LDLRAD4: variants seen among roughly 807,000 people sequenced by gnomAD.
LDLRAD4 encodes the protein low density lipoprotein receptor class A domain containing 4.
In LDLRAD4, 5 loss-of-function variants were observed where a neutral mutation model predicts 17.0. That is an observed-to-expected ratio of 0.29 (90% CI 0.15 to 0.62). LDLRAD4 has a LOEUF of 0.62. Among genes scored for constraint, LDLRAD4 ranks in the 20% least tolerant of loss-of-function variants. The pLI is 0.84. For missense variants in LDLRAD4, 340 were observed against 424.7 expected (o/e 0.80, Z 1.75); for synonymous variants, 168 against 171.8 (o/e 0.98, Z 0.17).
chr18:13,607,320 T>C (rs1001816796), intron 3 of LDLRAD4, among the ~76,000 whole-genome samples: 6 of 152,232 alleles, frequency 3.9e-5, no homozygotes, highest in East Asian at 1.9e-4. Flanking sequence ...ATAAGAGATA[T>C]ATAGTGCTTG....
At chr18:13,220,203 T>C (rs2041371610) in intron 1 of LDLRAD4, among the ~76,000 whole-genome samples, 1 of 152,244 alleles carries the variant, frequency 6.6e-6, no homozygotes, top group Non-Finnish European at 1.5e-5. Context: ...GCTATTGACA[T>C]TGAACACAGT....
intron 4 of LDLRAD4, among the ~76,000 whole-genome samples, chr18:13,634,202 C>T (rs1042521014): frequency 5.9e-5 from 9 of 152,144 alleles, no homozygotes; most frequent in African/African-American, 2.2e-4. Flanking sequence ...ATTAATTAGA[C>T]ATTCTAGCCA....
At chr18:13,543,938 T>G (rs1330015675) in intron 3 of LDLRAD4, among the ~76,000 whole-genome samples, 3 of 152,230 alleles carry the variant, frequency 2.0e-5, no homozygotes, top group African/African-American at 7.2e-5. Flanking sequence ...GACTCTGGCA[T>G]GGAGTATGTA....
Position 13,643,215 on chromosome 18 carries a change from T to G in LDLRAD4, c.337-144T>G, listed in dbSNP as rs555331125. 220 of 529,174 alleles carry G rather than the reference T, an allele frequency of 4.2e-4. 1 individual carries two copies. Among genetic ancestry groups the G allele is most frequent in the Non-Finnish European group, 6.8e-4 (202 of 294,982 alleles). 32.8% of individuals were successfully genotyped at this position (529,174 alleles called of 1,614,324 possible). A position where few individuals can be genotyped will look rare whatever the true frequency, so the allele number is the denominator to read the frequency against. ...TCCCAAAGTGCTGGGATTACAGGCT[T>G]GAGCCATGGCGCCCGGCCTCGCTCC... On this transcript the variant is annotated intron_variant, in intron 4 of 5. Coordinates refer to ENST00000359446, the Ensembl canonical transcript of LDLRAD4.
chr18:13,445,359 CAG>C (rs772446300), intron 3 of LDLRAD4, among the ~76,000 whole-genome samples: 9 of 151,424 alleles, frequency 5.9e-5, no homozygotes, highest in African/African-American at 9.7e-5. Context: ...GTGTGGGTGT[CAG>C]AGAGTGTGTG....
chr18:13,475,947 C>T (rs984885377), intron 3 of LDLRAD4, among the ~76,000 whole-genome samples: 1 of 152,198 alleles, frequency 6.6e-6, no homozygotes, highest in African/African-American at 2.4e-5. Flanking sequence ...GGTCTGATCA[C>T]AGGTGCCCAG....
intron 3 of LDLRAD4, among the ~76,000 whole-genome samples, chr18:13,438,632 A>G (rs12232740): frequency 0.053 from 8,074 of 152,356 alleles, 475 homozygotes; most frequent in East Asian, 0.26. Context: ...TGTCTGAGCA[A>G]TGCCTGGATT....
At position 13,455,076 on chromosome 18, in the gene LDLRAD4, G is replaced by A. The variant is rs1003967341; in HGVS notation, c.181+16692G>A. 3.9e-5 allele frequency among the ~76,000 whole-genome samples: 6 copies of A among 152,210 alleles called. No homozygotes were observed. The East Asian group carries it at 1.2e-3, about 29-fold the overall frequency. On this transcript the variant is annotated intron_variant, in intron 3 of 5. Transcript: ENST00000359446. ...CGAAGCTGGTGGATGCTGGACACCT[G>A]TATGTGCAGGAGCTGGGGGCTGGGG...
chr18:13,224,572 A>G (rs1041113647), intron 1 of LDLRAD4, among the ~76,000 whole-genome samples: 2 of 130,900 alleles, frequency 1.5e-5, no homozygotes, highest in African/African-American at 5.8e-5. Context: ...CTCTGCCTCC[A>G]GGGTTCATGC....
intron 1 of LDLRAD4, among the ~76,000 whole-genome samples, chr18:13,350,581 G>A (rs2082981241): frequency 6.6e-6 from 1 of 152,140 alleles, no homozygotes; most frequent in Non-Finnish European, 1.5e-5. Flanking sequence ...TCTGTAGGTT[G>A]CCTGTTCACT....
At chr18:13,320,079 T>A (rs538635008) in intron 1 of LDLRAD4, among the ~76,000 whole-genome samples, 1 of 152,366 alleles carries the variant, frequency 6.6e-6, no homozygotes, top group Admixed American at 6.5e-5. Flanking sequence ...GAATCATAGT[T>A]GACTCCATCC....
chr18:13,529,824 C>G (rs78731081), intron 3 of LDLRAD4, among the ~76,000 whole-genome samples: 1,681 of 152,342 alleles, frequency 0.011, 31 homozygotes, highest in East Asian at 0.069. Context: ...AGTGTGTCCT[C>G]TTGTTACGCT....
At chr18:13,287,202 C>T (rs924670338) in intron 1 of LDLRAD4, among the ~76,000 whole-genome samples, 7 of 152,062 alleles carry the variant, frequency 4.6e-5, no homozygotes, top group African/African-American at 1.4e-4. Flanking sequence ...GAGAAGTCTG[C>T]AAATATCTTA....
At chr18:13,473,636 C>CATATATATATATATATATAT (rs71366054) in intron 3 of LDLRAD4, among the ~76,000 whole-genome samples, 1 of 28,780 alleles carries the variant, frequency 3.5e-5, no homozygotes, top group Non-Finnish European at 6.0e-5. Context: ...GATCCCATCT[C>CATATATATATATATATATAT]ATATATATAT....
At chr18:13,385,223 C>T (rs1373741884) in intron 1 of LDLRAD4, among the ~76,000 whole-genome samples, 1 of 152,150 alleles carries the variant, frequency 6.6e-6, no homozygotes, top group African/African-American at 2.4e-5. Flanking sequence ...TTTGCATATC[C>T]CAGATGCTTA....
chr18:13,556,782 G>A (rs1168175720), intron 3 of LDLRAD4, among the ~76,000 whole-genome samples: 1 of 152,184 alleles, frequency 6.6e-6, no homozygotes, highest in Non-Finnish European at 1.5e-5. Context: ...TCAAGGGTAT[G>A]TAGTTTAAAC....
chr18:13,387,684 AGC>A (rs756981577), exon 2 of LDLRAD4: 12 of 1,604,162 alleles, frequency 7.5e-6, no homozygotes, highest in Admixed American at 1.7e-5. Context: ...TCGACGGGAC[AGC>A]GCAAGAGTTG....
At chr18:13,395,097 GTGA>G (rs1395606836) in intron 2 of LDLRAD4, among the ~76,000 whole-genome samples, 2 of 152,154 alleles carry the variant, frequency 1.3e-5, no homozygotes, top group African/African-American at 4.8e-5. Context: ...TTCCTGCTCT[GTGA>G]CACTGATAGA....
chr18:13,448,336 G>A (rs377721601), intron 3 of LDLRAD4, among the ~76,000 whole-genome samples: 2 of 152,266 alleles, frequency 1.3e-5, no homozygotes, highest in Admixed American at 6.5e-5. Context: ...CTCTTAATTT[G>A]CAAGGGTTTT....
Sources: gnomAD v4.1 joint callset for allele counts (sites outside exome capture counted in the v4.1 genomes callset) on GRCh38, gnomAD v4.1.1 for gene constraint, MANE v1.5 for transcripts, NCBI Gene and HGNC (gene_info 2026-07-23, HGNC 2026-07-21) for gene names.